The following KPNA7 variants were observed in gnomAD, a reference collection of about 807,000 sequenced individuals.
KPNA7 encodes the protein karyopherin subunit alpha 7.
A neutral mutation model predicts 53.7 loss-of-function variants in KPNA7; 54 were observed. That is an observed-to-expected ratio of 1.01 (90% CI 0.81 to 1.26). The LOEUF (loss-of-function observed/expected upper bound fraction) is 1.26, where lower values mean the gene tolerates loss of function less well. KPNA7 is among the 50% of genes most tolerant of loss of function. KPNA7 has a pLI of 0.00. For missense variants in KPNA7, 640 were observed against 644.5 expected, an observed-to-expected ratio of 0.99 and a Z score of 0.07; for synonymous variants, 276 against 259.3, an observed-to-expected ratio of 1.06 and a Z score of -0.62.
chr7:99,215,728 G>A (rs952546616), intron 1 of KPNA7, among the ~76,000 whole-genome samples: 5 of 152,160 alleles, frequency 3.3e-5, no homozygotes, highest in South Asian at 2.1e-4. Flanking sequence ...GCTCATGCCC[G>A]TAATCCCAGC....
downstream of KPNA7, among the ~76,000 whole-genome samples, chr7:99,172,496 T>C (rs917101023): frequency 1.3e-5 from 2 of 151,686 alleles, no homozygotes; most frequent in African/African-American, 4.8e-5. Context: ...GGGAGGACCA[T>C]TTGAGGCCAG....
At chr7:99,152,040 C>T in the KPNA7 span, among the ~76,000 whole-genome samples, 6 of 151,776 alleles carry the variant, frequency 4.0e-5, no homozygotes, top group Non-Finnish European at 8.8e-5. Context: ...AAAAATTAGC[C>T]GGGCATGGTG....
At chr7:99,185,236 G>T in intron 7 of KPNA7, 74 bp from the exon 8 acceptor site, 2 of 1,028,822 alleles carry the variant, frequency 1.9e-6, no homozygotes, top group Middle Eastern at 4.0e-4. Context: ...ACCAAGTTCT[G>T]TTCTCTCCCA....
At chr7:99,201,761 T>C (rs1342466721) in intron 3 of KPNA7, among the ~76,000 whole-genome samples, 1 of 151,772 alleles carries the variant, frequency 6.6e-6, no homozygotes, top group East Asian at 2.0e-4. Context: ...TGGGTTGAAG[T>C]GCAGTGGCAC....
chr7:99,216,822 A>C (rs1264097512), intron 1 of KPNA7, among the ~76,000 whole-genome samples: 1 of 152,110 alleles, frequency 6.6e-6, no homozygotes, highest in Non-Finnish European at 1.5e-5. Context: ...TTGGCCTCCC[A>C]AAGTGCTGGG....
chr7:99,207,432 C>G lies in KPNA7; in HGVS notation c.35G>C (p.Arg12Thr), dbSNP rs1195655938. ...ATCTTTGCCTCGGTACTTAAATTTT[C>G]TCCGCCTCTCTTCTGGAGCATCTAA... ...PTLDAPEERR[R>T]KFKYRGKDVS... Residue 12 changes from arginine to threonine, a missense_variant, in exon 2 of 11, where the codon AGA becomes ACA. By Grantham distance (71) the Arg-to-Thr change is moderately conservative. Coordinates refer to ENST00000327442, the MANE Select transcript of KPNA7 (RefSeq NM_001145715.3). 3.9e-6 allele frequency: 6 copies of G among 1,551,358 alleles called. No individual in the cohort carries two copies. The East Asian group carries it at 1.5e-4, about 38-fold the overall frequency.
chr7:99,159,937 G>T, the KPNA7 span, among the ~76,000 whole-genome samples: 1 of 150,300 alleles, frequency 6.7e-6, no homozygotes, highest in Non-Finnish European at 1.5e-5. Flanking sequence ...GAAGTAGCTT[G>T]TCTGCAGGAT....
chr7:99,210,524 G>A (rs1192749843), upstream of KPNA7, among the ~76,000 whole-genome samples: 1 of 152,170 alleles, frequency 6.6e-6, no homozygotes, highest in Non-Finnish European at 1.5e-5. Context: ...CCCTCAGTTA[G>A]AGGTGGTTAT....
At chr7:99,183,834 A>T (rs17147666) in intron 8 of KPNA7, among the ~76,000 whole-genome samples, 4 of 151,956 alleles carry the variant, frequency 2.6e-5, no homozygotes, top group Admixed American at 6.6e-5. Context: ...ACAAATCAGG[A>T]GAAATAATGT....
At chr7:99,181,168 C>CGTCTGTGTCTCTCT (rs1799251694) in intron 9 of KPNA7, among the ~76,000 whole-genome samples, 1 of 81,948 alleles carries the variant, frequency 1.2e-5, no homozygotes, top group Non-Finnish European at 2.7e-5. Context: ...TCTCTCTCTC[C>CGTCTGTGTCTCTCT]GTCTGTGTCT....
chr7:99,163,359 GTATATATA>G, the KPNA7 span, among the ~76,000 whole-genome samples: 95 of 66,392 alleles, frequency 1.4e-3, no homozygotes, highest in Middle Eastern at 0.014. Flanking sequence ...ATGAGTGTGT[GTATATATA>G]TATATATATA....
chr7:99,178,171 G>A, intron 9 of KPNA7, 105 bp from the exon 10 acceptor site: 1 of 964,946 alleles, frequency 1.0e-6, no homozygotes, highest in Non-Finnish European at 1.5e-6. Context: ...GCAGACCAAA[G>A]GCTACCATTC....
chr7:99,188,274 T>TA, intron 7 of KPNA7, 26 bp downstream of exon 7: 8 of 1,477,702 alleles, frequency 5.4e-6, no homozygotes, highest in Non-Finnish European at 6.4e-6. Context: ...AGGACTCGAA[T>TA]CCACAGGGCC....
downstream of KPNA7, among the ~76,000 whole-genome samples, chr7:99,170,840 A>G (rs1389228169): frequency 6.6e-6 from 1 of 152,214 alleles, no homozygotes; most frequent in Non-Finnish European, 1.5e-5. Context: ...TGAACCCAAC[A>G]CTGAAAACTA....
rs1406275419 is a variant in KPNA7 at position 99,177,193 on chromosome 7, C to A, written c.1464+727G>T. ...TAGTCAAATTCATAGAGACAGAAAGCAAAATGATGGTTACTAAAAGGGCTA... is the reference window on the plus strand; with the variant it reads ...TAGTCAAATTCATAGAGACAGAAAGAAAAATGATGGTTACTAAAAGGGCTA... On this transcript the variant is annotated intron_variant, in intron 10 of 10. Transcript: ENST00000327442. 5.3e-5 allele frequency among the ~76,000 whole-genome samples: 8 copies of A among 152,230 alleles called. No individual in the cohort carries two copies. In the East Asian group the frequency reaches 1.2e-3, roughly 22 times the overall value.
chr7:99,210,061 T>C (rs1368436262), upstream of KPNA7, among the ~76,000 whole-genome samples: 1 of 151,236 alleles, frequency 6.6e-6, no homozygotes, highest in Non-Finnish European at 1.5e-5. Context: ...CTAACTCTCC[T>C]GCTTAAAAAA....
the KPNA7 span, among the ~76,000 whole-genome samples, chr7:99,167,500 T>C: frequency 0.012 from 1,780 of 152,002 alleles, 35 homozygotes; most frequent in African/African-American, 0.041. Context: ...CAAAAAAAGC[T>C]GGAGTATACT....
chr7:99,215,680 C>T (rs901072283), intron 1 of KPNA7, among the ~76,000 whole-genome samples: 3 of 152,014 alleles, frequency 2.0e-5, no homozygotes, highest in African/African-American at 7.2e-5. Flanking sequence ...GGTGCCCTGT[C>T]GTTCTTTACT....
upstream of KPNA7, among the ~76,000 whole-genome samples, chr7:99,209,655 C>G (rs1790994585): frequency 7.7e-6 from 1 of 130,438 alleles, no homozygotes; most frequent in South Asian, 2.4e-4. Flanking sequence ...TACACTCCAG[C>G]CTGGGCAACA....
Sources: gnomAD v4.1 joint callset for allele counts (sites outside exome capture counted in the v4.1 genomes callset) on GRCh38, gnomAD v4.1.1 for gene constraint, MANE v1.5 for transcripts, NCBI Gene and HGNC (gene_info 2026-07-23, HGNC 2026-07-21) for gene names.